Variants in SPATA31H1 observed in about 807,000 individuals in gnomAD.
SPATA31H1 encodes SPATA31 subfamily H member 1.
chr2:27,541,391 G>T, the SPATA31H1 span, among the ~76,000 whole-genome samples: 1 of 151,450 alleles, frequency 6.6e-6, no homozygotes, highest in Admixed American at 6.6e-5. Context: ...CGTGGAAGGA[G>T]ACCGTGGGAA....
the SPATA31H1 span, chr2:27,574,339 G>A: frequency 5.0e-6 from 2 of 398,346 alleles, no homozygotes; most frequent in Non-Finnish European, 8.9e-6. Flanking sequence ...AAGCTTCAGG[G>A]TGTGAAATCG....
the SPATA31H1 span, among the ~76,000 whole-genome samples, chr2:27,555,037 T>A: frequency 1.3e-5 from 2 of 151,706 alleles, no homozygotes; most frequent in African/African-American, 4.9e-5. Context: ...ATTGCAATGC[T>A]CTTTATCATG....
At chr2:27,539,187 T>A in the SPATA31H1 span, among the ~76,000 whole-genome samples, 1 of 141,770 alleles carries the variant, frequency 7.1e-6, no homozygotes, top group African/African-American at 2.7e-5. Flanking sequence ...AGGACAATAG[T>A]GGAGGGAAGG....
chr2:27,571,387 C>A, the SPATA31H1 span: 1 of 398,302 alleles, frequency 2.5e-6, no homozygotes, highest in Non-Finnish European at 4.4e-6. Flanking sequence ...AAATCTGTGG[C>A]GATAACCTTA....
At chr2:27,580,875 TG>T in the SPATA31H1 span, 2 of 1,613,986 alleles carry the variant, frequency 1.2e-6, no homozygotes, top group African/African-American at 1.3e-5. Flanking sequence ...AACGGTCCAG[TG>T]CAGATCAGCT....
At chr2:27,568,911 T>C in the SPATA31H1 span, 1 of 398,942 alleles carries the variant, frequency 2.5e-6, no homozygotes, top group Non-Finnish European at 4.4e-6. Context: ...GCCTGAAAGA[T>C]TGACCCCATG....
chr2:27,581,636 T>A, the SPATA31H1 span: 3 of 1,611,438 alleles, frequency 1.9e-6, no homozygotes, highest in African/African-American at 2.7e-5. Context: ...GCCATTGCAG[T>A]CCCTCTGAGA....
chr2:27,578,065 C>G, the SPATA31H1 span: 1 of 1,614,142 alleles, frequency 6.2e-7, no homozygotes, highest in Non-Finnish European at 8.5e-7. Context: ...GTTGCTCAAT[C>G]TGAAGAGGTA....
At chr2:27,580,717 A>C in the SPATA31H1 span, 2 of 1,614,222 alleles carry the variant, frequency 1.2e-6, no homozygotes, top group South Asian at 1.1e-5. Flanking sequence ...ACAAGGCCAG[A>C]CAATTTGTGG....
the SPATA31H1 span, among the ~76,000 whole-genome samples, chr2:27,541,545 A>G: frequency 2.6e-5 from 4 of 152,012 alleles, no homozygotes; most frequent in Non-Finnish European, 1.5e-5. Context: ...TGTTTGTGAA[A>G]TGAACGAACG....
the SPATA31H1 span, among the ~76,000 whole-genome samples, chr2:27,544,050 G>A: frequency 6.6e-6 from 1 of 151,850 alleles, no homozygotes; most frequent in Non-Finnish European, 1.5e-5. Flanking sequence ...TCTTTGGTAT[G>A]GGAATACATG....
At chr2:27,566,633 T>C in the SPATA31H1 span, 11 of 580,006 alleles carry the variant, frequency 1.9e-5, no homozygotes, top group African/African-American at 1.9e-4. Context: ...TTTTTTTTTT[T>C]TCAAATTCTC....
chr2:27,577,972 C>T, the SPATA31H1 span: 3 of 1,614,122 alleles, frequency 1.9e-6, no homozygotes, highest in East Asian at 6.7e-5. The surrounding 1 kb of genome is among the most constrained non-coding windows in gnomAD (Gnocchi z 4.5). Context: ...ACCCCAGGAC[C>T]ACTGGGTCGA....
At chr2:27,538,651 G>C in the SPATA31H1 span, among the ~76,000 whole-genome samples, 33 of 152,094 alleles carry the variant, frequency 2.2e-4, no homozygotes, top group South Asian at 6.4e-3. Flanking sequence ...GGCCAACATG[G>C]TGGAACCCCG....
chr2:27,564,631 A>G, the SPATA31H1 span, among the ~76,000 whole-genome samples: 1 of 151,864 alleles, frequency 6.6e-6, no homozygotes. Context: ...AGCCTGGCCA[A>G]TGTGGCAAAA....
chr2:27,577,221 G>A, the SPATA31H1 span: 2 of 1,613,876 alleles, frequency 1.2e-6, no homozygotes, highest in Non-Finnish European at 1.7e-6. The surrounding 1 kb of genome is among the most constrained non-coding windows in gnomAD (Gnocchi z 4.5). Context: ...AAGGGATCAA[G>A]GCTCAAAATT....
chr2:27,572,323 G>A, the SPATA31H1 span: 1 of 398,458 alleles, frequency 2.5e-6, no homozygotes, highest in Non-Finnish European at 4.4e-6. Context: ...CTAGAGCTTG[G>A]AAGAATGAAA....
the SPATA31H1 span, among the ~76,000 whole-genome samples, chr2:27,559,008 T>G: frequency 1.4e-4 from 21 of 152,202 alleles, no homozygotes; most frequent in Non-Finnish European, 1.3e-4. Context: ...TACACCAATA[T>G]CTGGATTGCC....
At chr2:27,560,708 C>T in the SPATA31H1 span, among the ~76,000 whole-genome samples, 7 of 152,270 alleles carry the variant, frequency 4.6e-5, no homozygotes, top group Non-Finnish European at 8.8e-5. Flanking sequence ...CCGCCTGCCT[C>T]GGCCTCCCAA....
Sources: allele counts gnomAD v4.1 joint callset (sites outside exome capture counted in the v4.1 genomes callset), GRCh38; gene constraint gnomAD v4.1.1; non-coding constraint Gnocchi (gnomAD v3.1); transcripts MANE v1.5; gene names NCBI Gene and HGNC (gene_info 2026-07-23, HGNC 2026-07-21).